BTBD9: variants seen among roughly 807,000 people sequenced by gnomAD.
The protein encoded by BTBD9 is BTB/POZ domain-containing protein 9.
Under a neutral mutation model 64.3 loss-of-function variants are expected in BTBD9, and 49 were observed. The ratio of observed to expected loss-of-function variants is 0.76; its 90% CI spans 0.61 to 0.97. The LOEUF is 0.97. BTBD9 is among the 50% of genes least tolerant of loss of function. BTBD9 has a pLI of 0.00. For synonymous variants in BTBD9, 260 were observed against 274.7 expected (o/e 0.95, Z 0.53); for missense variants, 598 against 762.1 (o/e 0.78, Z 2.53).
chr6:38,336,968 A>T (rs1238395717), intron 7 of BTBD9, among the ~76,000 whole-genome samples: 1 of 152,162 alleles, frequency 6.6e-6, no homozygotes, highest in African/African-American at 2.4e-5. Flanking sequence ...CAGTAGCTAA[A>T]GAAGTTAAGC....
At chr6:38,542,134 C>T (rs1474480042) in intron 6 of BTBD9, among the ~76,000 whole-genome samples, 1 of 152,158 alleles carries the variant, frequency 6.6e-6, no homozygotes, top group African/African-American at 2.4e-5. Context: ...AAACAACCTA[C>T]ATGTCAGTAA....
intron 9 of BTBD9, among the ~76,000 whole-genome samples, chr6:38,205,892 G>GAAAAA (rs1762628139): frequency 1.1e-5 from 1 of 94,060 alleles, no homozygotes; most frequent in Non-Finnish European, 2.0e-5. Flanking sequence ...AAAAAAAAAA[G>GAAAAA]AAAGAAAGAA....
chr6:38,580,991 G>A (rs544680952), intron 4 of BTBD9, among the ~76,000 whole-genome samples: 3 of 152,282 alleles, frequency 2.0e-5, no homozygotes, highest in African/African-American at 4.8e-5. Context: ...TCAGGAGTTC[G>A]AGATCAGCCT....
At chr6:38,547,152 A>T (rs534181810) in intron 6 of BTBD9, among the ~76,000 whole-genome samples, 2 of 152,284 alleles carry the variant, frequency 1.3e-5, no homozygotes, top group African/African-American at 4.8e-5. Context: ...TCCCTGAAAC[A>T]TGACAATATT....
intron 6 of BTBD9, among the ~76,000 whole-genome samples, chr6:38,567,090 C>G (rs1330386859): frequency 6.6e-6 from 1 of 152,206 alleles, no homozygotes; most frequent in Non-Finnish European, 1.5e-5. Flanking sequence ...ATTTCTCTTT[C>G]ATAGTCTTAG....
At position 38,180,474 on chromosome 6, in the gene BTBD9, C is replaced by T. The variant is rs144998776; in HGVS notation, c.1642-5292G>A. 3.8e-3 allele frequency among the ~76,000 whole-genome samples: 584 copies of T among 152,308 alleles called. 1 individual carries two copies. The highest frequency in any genetic ancestry group is 5.2e-3 in the Non-Finnish European group (351 of 68,024). On this transcript the variant is annotated intron_variant, in intron 10 of 10. Coordinates refer to ENST00000481247, the MANE Select transcript of BTBD9 (RefSeq NM_001099272.2). Reference sequence around the variant, plus strand: ...ATTGGGCATGTGGCCCTCCCCTTCCCACCGTAACCCCAAGCTCCTCAGCCC... The same window carrying T: ...ATTGGGCATGTGGCCCTCCCCTTCCTACCGTAACCCCAAGCTCCTCAGCCC...
At position 38,184,393 on chromosome 6, in the gene BTBD9, G is replaced by T. The variant is rs1286960220; in HGVS notation, c.1641+8126C>A. Among the ~76,000 whole-genome samples, 1 of 152,196 alleles carries T rather than the reference G, an allele frequency of 6.6e-6. No individual in the cohort carries two copies. Among genetic ancestry groups the T allele is most frequent in the Admixed American group, 6.5e-5 (1 of 15,284 alleles). ...TTGTTTCCATTATTTCTATTCCCAA[G>T]CAGGTTTTCTTTGTGGGCATCCATT... On this transcript the variant is annotated intron_variant, in intron 10 of 10. Coordinates refer to ENST00000481247, the MANE Select transcript of BTBD9 (RefSeq NM_001099272.2). The surrounding 1 kb of genome is among the most constrained non-coding windows in gnomAD (Gnocchi z 4.4).
chr6:38,590,030 GTTCCTAT>G (rs1184194153), intron 4 of BTBD9, among the ~76,000 whole-genome samples: 2 of 152,112 alleles, frequency 1.3e-5, no homozygotes, highest in Non-Finnish European at 2.9e-5. Flanking sequence ...AGAGTAATGT[GTTCCTAT>G]TTCCTATTAG....
chr6:38,351,250 C>G (rs577163653), intron 6 of BTBD9, among the ~76,000 whole-genome samples: 1 of 152,178 alleles, frequency 6.6e-6, no homozygotes, highest in Non-Finnish European at 1.5e-5. Context: ...AGGTTAAACA[C>G]TACACACAGG....
chr6:38,269,093 T>C (rs1765115775), intron 8 of BTBD9, among the ~76,000 whole-genome samples: 1 of 152,160 alleles, frequency 6.6e-6, no homozygotes, highest in South Asian at 2.1e-4. Context: ...ATTTAAACAC[T>C]TAGAATAAGT....
intron 6 of BTBD9, among the ~76,000 whole-genome samples, chr6:38,396,555 C>T (rs956169690): frequency 2.0e-4 from 30 of 152,208 alleles, no homozygotes; most frequent in African/African-American, 7.0e-4. Context: ...ATACTTTTCC[C>T]TCCTTGATTT....
chr6:38,374,634 G>A (rs995234554), intron 6 of BTBD9, among the ~76,000 whole-genome samples: 1 of 151,558 alleles, frequency 6.6e-6, no homozygotes, highest in South Asian at 2.1e-4. Flanking sequence ...AATTATTTGG[G>A]GAAAAAAAGT....
intron 6 of BTBD9, among the ~76,000 whole-genome samples, chr6:38,412,742 C>G (rs1767487442): frequency 6.6e-6 from 1 of 151,928 alleles, no homozygotes; most frequent in Non-Finnish European, 1.5e-5. Flanking sequence ...GCCTATAATC[C>G]AAGCTATTCA....
intron 9 of BTBD9, among the ~76,000 whole-genome samples, chr6:38,204,131 C>G (rs1337764117): frequency 6.6e-6 from 1 of 152,044 alleles, no homozygotes; most frequent in Non-Finnish European, 1.5e-5. Context: ...TGGGAATGTT[C>G]AAAGGTGTGG....
chr6:38,620,860 G>C (rs556900940), intron 1 of BTBD9, among the ~76,000 whole-genome samples: 10 of 152,288 alleles, frequency 6.6e-5, no homozygotes, highest in Non-Finnish European at 1.3e-4. Flanking sequence ...AGGAGACCCA[G>C]AGGGCAAATA....
At chr6:38,591,473 TG>T (rs1234341893) in intron 4 of BTBD9, among the ~76,000 whole-genome samples, 3 of 152,330 alleles carry the variant, frequency 2.0e-5, no homozygotes, top group Admixed American at 1.3e-4. Flanking sequence ...TAACTTTTCA[TG>T]GGAGTTTATG....
intron 1 of BTBD9, among the ~76,000 whole-genome samples, chr6:38,616,098 T>C (rs773430919): frequency 1.3e-5 from 2 of 152,184 alleles, no homozygotes; most frequent in African/African-American, 2.4e-5. Context: ...TGCCATGTTG[T>C]GAGAGGCCCA....
chr6:38,509,784 T>C (rs937013938), intron 6 of BTBD9, among the ~76,000 whole-genome samples: 3 of 152,182 alleles, frequency 2.0e-5, no homozygotes, highest in African/African-American at 7.2e-5. Context: ...TCAGTATATA[T>C]TTGTTGAATG....
chr6:38,576,981 C>A (rs955135246), intron 6 of BTBD9, among the ~76,000 whole-genome samples: 4 of 152,052 alleles, frequency 2.6e-5, no homozygotes, highest in African/African-American at 4.8e-5. Flanking sequence ...TCGAGGGCTG[C>A]GATACATAAC....
Sources: gnomAD v4.1 joint callset for allele counts (sites outside exome capture counted in the v4.1 genomes callset) on GRCh38, gnomAD v4.1.1 for gene constraint, Gnocchi (gnomAD v3.1) non-coding constraint, MANE v1.5 for transcripts, NCBI Gene and HGNC (gene_info 2026-07-23, HGNC 2026-07-21) for gene names.